Variants in WASF3 observed in about 807,000 individuals in gnomAD.
WASF3 encodes WASP family member 3, also known as actin-binding protein WASF3.
In WASF3, 11 loss-of-function variants were observed where a neutral mutation model predicts 46.6. The ratio of observed to expected loss-of-function variants is 0.24; its 90% CI spans 0.15 to 0.39. The LOEUF is 0.39. Among genes scored for constraint, WASF3 ranks in the 10% least tolerant of loss-of-function variants. The pLI, the probability that WASF3 is intolerant of heterozygous loss-of-function variation, is 1.00. For missense variants in WASF3, 576 were observed against 669.8 expected (o/e 0.86, Z 1.55); for synonymous variants, 242 against 259.7 (o/e 0.93, Z 0.65).
intron 1 of WASF3, among the ~76,000 whole-genome samples, chr13:26,561,143 G>A (rs1879282670): frequency 6.6e-6 from 1 of 152,158 alleles, no homozygotes; most frequent in Non-Finnish European, 1.5e-5. Flanking sequence ...GTGCCTTGTG[G>A]GGTCTTGTGA....
intron 1 of WASF3, among the ~76,000 whole-genome samples, chr13:26,564,868 A>G (rs954503328): frequency 7.5e-5 from 11 of 146,968 alleles, no homozygotes; most frequent in African/African-American, 1.5e-4. Context: ...TTATTTTCCA[A>G]CTTCTCAAAA....
At position 26,682,740 on chromosome 13, in the gene WASF3, G is replaced by A. The variant is rs1160586201; in HGVS notation, c.1117G>A (p.Ala373Thr). 6.2e-7 allele frequency: 1 copy of A among 1,613,584 alleles called. No individual in the cohort carries two copies. The highest frequency in any genetic ancestry group is 2.2e-5 in the East Asian group (1 of 44,868). The change falls in exon 9 of 10, where the codon GCA becomes ACA. Residue 373 changes from alanine (A) to threonine (T), a missense_variant. Physicochemically the swap from Ala to Thr is moderately conservative, Grantham distance 58. Coordinates refer to ENST00000335327, the MANE Select transcript of WASF3 (RefSeq NM_006646.6). This position sits in a 1 kb window ranked among gnomAD's most constrained non-coding sequence, Gnocchi z 4.4. ...GATGCCCATGCAGCCCCCGTTCCCT[G>A]CATCAGCCAGCTCCACGCACGCAGC... ...LQMPMQPPFP[A>T]SASSTHAAPP...
chr13:26,560,349 CAG>C (rs1037677216), intron 1 of WASF3, among the ~76,000 whole-genome samples: 8 of 152,136 alleles, frequency 5.3e-5, no homozygotes, highest in Non-Finnish European at 7.4e-5. Flanking sequence ...AATATCAACA[CAG>C]AGATTTATAG....
intron 1 of WASF3, among the ~76,000 whole-genome samples, chr13:26,575,849 G>A (rs115366190): frequency 0.019 from 2,822 of 152,128 alleles, 87 homozygotes; most frequent in African/African-American, 0.063. Flanking sequence ...ATATCTTTTA[G>A]CATGGAGGCC....
At chr13:26,634,774 G>C (rs981754159) in intron 2 of WASF3, among the ~76,000 whole-genome samples, 1 of 152,076 alleles carries the variant, frequency 6.6e-6, no homozygotes, top group African/African-American at 2.4e-5. Flanking sequence ...ATGAAATTCT[G>C]GGTTGAAAAT....
At chr13:26,581,934 A>G (rs1386037487) in intron 1 of WASF3, among the ~76,000 whole-genome samples, 1 of 152,252 alleles carries the variant, frequency 6.6e-6, no homozygotes, top group Non-Finnish European at 1.5e-5. Flanking sequence ...ATGAAGGAAC[A>G]TTCCTTGAGT....
chr13:26,617,860 G>C (rs139685263), intron 2 of WASF3, among the ~76,000 whole-genome samples: 1,942 of 152,186 alleles, frequency 0.013, 14 homozygotes, highest in Non-Finnish European at 0.021. Context: ...TCTTGTGATA[G>C]TGAATTCTCA....
chr13:26,625,285 T>C (rs2133813), intron 2 of WASF3, among the ~76,000 whole-genome samples: 67,581 of 151,940 alleles, frequency 0.44, 16,381 homozygotes, highest in South Asian at 0.57. Context: ...AGGAGATTTA[T>C]TATGGAATTT....
At chr13:26,576,584 A>G (rs1298327731) in intron 1 of WASF3, among the ~76,000 whole-genome samples, 2 of 152,210 alleles carry the variant, frequency 1.3e-5, no homozygotes, top group Non-Finnish European at 2.9e-5. Flanking sequence ...AGTGTGGTAC[A>G]TCATGTGCTT....
Position 26,682,799 on chromosome 13 carries a change from C to T in WASF3, c.1176C>T (p.Val392=), listed in dbSNP as rs1418266366. ...ACCCACCCTCCACCGGGCTCCTGGTCACAGCCCCGCCACCCCCGGGCCCAC... is the reference window on the plus strand; with the variant it reads ...ACCCACCCTCCACCGGGCTCCTGGTTACAGCCCCGCCACCCCCGGGCCCAC... ...PPHPPSTGLL[V]TAPPPPGPPP... is the part of the protein sequence containing the mutation. The change falls in exon 9 of 10, where the codon GTC becomes GTT. Residue 392 remains valine, a synonymous_variant. Coordinates refer to ENST00000335327, the MANE Select transcript of WASF3 (RefSeq NM_006646.6). This position sits in a 1 kb window ranked among gnomAD's most constrained non-coding sequence, Gnocchi z 4.4. The T allele has an allele frequency of 1.2e-6, 2 of 1,611,120 alleles. No homozygotes were observed. Among genetic ancestry groups the T allele is most frequent in the East Asian group, 4.5e-5 (2 of 44,856 alleles).
At chr13:26,681,770 C>T (rs991091982) in intron 8 of WASF3, among the ~76,000 whole-genome samples, 3 of 152,102 alleles carry the variant, frequency 2.0e-5, no homozygotes, top group African/African-American at 7.2e-5. Flanking sequence ...TCTGACCACC[C>T]AGACATCATT....
Position 26,571,425 on chromosome 13 carries a change from G to T in WASF3, c.-109+13606G>T, listed in dbSNP as rs56029372. 8.9e-3 allele frequency among the ~76,000 whole-genome samples: 1,358 copies of T among 152,222 alleles called. 11 individuals are homozygous for T. The highest frequency in any genetic ancestry group is 0.017 in the Middle Eastern group (5 of 294). On this transcript the variant is annotated intron_variant, in intron 1 of 9. Coordinates refer to ENST00000335327, the MANE Select transcript of WASF3 (RefSeq NM_006646.6). Reference sequence around the variant, plus strand: ...CTACAAATTTATTCTGATATATATGGTGTGAGGAATAGATCTGATTTTGTC... The same window carrying T: ...CTACAAATTTATTCTGATATATATGTTGTGAGGAATAGATCTGATTTTGTC...
chr13:26,635,679 G>A (rs892185362), intron 2 of WASF3, among the ~76,000 whole-genome samples: 2 of 152,184 alleles, frequency 1.3e-5, no homozygotes, highest in South Asian at 4.1e-4. Flanking sequence ...TTTTCATGTG[G>A]ATGTCTTTTT....
At chr13:26,651,902 G>T (rs1319884542) in intron 3 of WASF3, among the ~76,000 whole-genome samples, 1 of 152,122 alleles carries the variant, frequency 6.6e-6, no homozygotes, top group Non-Finnish European at 1.5e-5. Context: ...TGAGTTAAGG[G>T]TACATAGTAT....
intron 1 of WASF3, among the ~76,000 whole-genome samples, chr13:26,603,175 A>G (rs1242419538): frequency 6.6e-6 from 1 of 152,176 alleles, no homozygotes; most frequent in Non-Finnish European, 1.5e-5. Context: ...AGACAGCACT[A>G]TTCTTCTTCT....
intron 9 of WASF3, among the ~76,000 whole-genome samples, chr13:26,683,396 A>T (rs1237005335): frequency 6.6e-6 from 1 of 151,674 alleles, no homozygotes; most frequent in Non-Finnish European, 1.5e-5. Flanking sequence ...GGATTGCTTG[A>T]GTGTGGGAGG....
chr13:26,551,673 C>T, the WASF3 span, among the ~76,000 whole-genome samples: 4 of 151,996 alleles, frequency 2.6e-5, no homozygotes, highest in African/African-American at 7.3e-5. Flanking sequence ...ATTTGAGCTG[C>T]GTTGTGAAAG....
At position 26,676,676 on chromosome 13, in the gene WASF3, G is replaced by C; in HGVS notation, c.668G>C (p.Ser223Thr). ...AGACCCGACAACAGGTTGTCTCAGA[G>C]TGTGTACCATGGAGCGTCTTCCGAG... Reference protein sequence around the residue: ...ELRPDNRLSQSVYHGASSEGS... With the variant: ...ELRPDNRLSQTVYHGASSEGS... Residue 223 changes from serine (S) to threonine (T), a missense_variant, in exon 7 of 10, where the codon AGT becomes ACT. By Grantham distance (58) the Ser-to-Thr change is moderately conservative. This residue lies in a region of WASF3 where 213 missense variants were observed against 278.0 expected (regional missense o/e 0.77). Transcript: ENST00000335327. The C allele has an allele frequency of 2.5e-6, 4 of 1,614,192 alleles. No homozygotes were observed. The highest frequency in any genetic ancestry group is 3.4e-6 in the Non-Finnish European group (4 of 1,180,036).
intron 3 of WASF3, among the ~76,000 whole-genome samples, chr13:26,648,566 A>G (rs149864954): frequency 6.6e-6 from 1 of 152,320 alleles, no homozygotes; most frequent in Non-Finnish European, 1.5e-5. Context: ...TGAGGAAGAT[A>G]GAACACAGTT....
Sources: gnomAD v4.1 joint callset for allele counts (sites outside exome capture counted in the v4.1 genomes callset) on GRCh38, gnomAD v4.1.1 for gene constraint, gnomAD v4.1.1 regional missense constraint, Gnocchi (gnomAD v3.1) non-coding constraint, MANE v1.5 for transcripts, NCBI Gene and HGNC (gene_info 2026-07-23, HGNC 2026-07-21) for gene names.